The following NELL1 variants were observed in gnomAD, a reference collection of about 807,000 sequenced individuals.
NELL1 encodes the protein protein kinase C-binding protein NELL1.
Under a neutral mutation model 107.4 loss-of-function variants are expected in NELL1, and 76 were observed. The ratio of observed to expected loss-of-function variants is 0.71; its 90% CI spans 0.59 to 0.86. NELL1 has a LOEUF of 0.86. Among genes scored for constraint, NELL1 ranks in the 40% least tolerant of loss-of-function variants. The pLI is 0.00. For synonymous variants in NELL1, 353 were observed against 341.2 expected, an observed-to-expected ratio of 1.03 and a Z score of -0.38; for missense variants, 1,024 against 1,005.5, an observed-to-expected ratio of 1.02 and a Z score of -0.25.
intron 3 of NELL1, among the ~76,000 whole-genome samples, chr11:20,804,940 T>G (rs573013522): frequency 6.6e-6 from 1 of 152,330 alleles, no homozygotes; most frequent in South Asian, 2.1e-4. Flanking sequence ...AATATTTGCT[T>G]TACACATCTG....
intron 14 of NELL1, among the ~76,000 whole-genome samples, chr11:21,349,282 A>T (rs1385725005): frequency 6.6e-6 from 1 of 152,214 alleles, no homozygotes; most frequent in African/African-American, 2.4e-5. Flanking sequence ...CTGGAAAAGC[A>T]TTAACATGTA....
intron 15 of NELL1, among the ~76,000 whole-genome samples, chr11:21,406,628 G>T (rs576209969): frequency 6.6e-6 from 1 of 152,098 alleles, no homozygotes; most frequent in South Asian, 2.1e-4. Flanking sequence ...TCCTACAAAT[G>T]TATCTCCTAT....
chr11:21,533,347 A>C (rs1038837976), intron 15 of NELL1, among the ~76,000 whole-genome samples: 11 of 152,166 alleles, frequency 7.2e-5, no homozygotes, highest in Admixed American at 6.6e-4. Context: ...TGCAAAGTAC[A>C]TTTTGTTCAT....
chr11:21,070,262 C>T (rs1257980865), intron 12 of NELL1, among the ~76,000 whole-genome samples: 1 of 152,062 alleles, frequency 6.6e-6, no homozygotes, highest in African/African-American at 2.4e-5. Context: ...ATCTTGTCTC[C>T]TTGGAGGTTT....
chr11:21,434,184 T>G (rs1162619683), intron 15 of NELL1, among the ~76,000 whole-genome samples: 1 of 152,180 alleles, frequency 6.6e-6, no homozygotes, highest in Admixed American at 6.5e-5. Flanking sequence ...TACAGGAGAT[T>G]TTTTTGATTG....
At chr11:20,985,209 A>C (rs1022219680) in intron 12 of NELL1, among the ~76,000 whole-genome samples, 3 of 152,180 alleles carry the variant, frequency 2.0e-5, no homozygotes, top group Non-Finnish European at 4.4e-5. Flanking sequence ...TTACAAGAAT[A>C]TGCAAGTACA....
intron 15 of NELL1, among the ~76,000 whole-genome samples, chr11:21,507,845 A>G (rs1590989695): frequency 1.3e-5 from 2 of 150,580 alleles, no homozygotes. Flanking sequence ...CGGCGGCGTG[A>G]TCTCAGCTCA....
chr11:20,742,264 CTA>C (rs1252487007), intron 2 of NELL1, among the ~76,000 whole-genome samples: 1 of 152,128 alleles, frequency 6.6e-6, no homozygotes, highest in Non-Finnish European at 1.5e-5. Context: ...AAGTGCTGTG[CTA>C]TGTCTTACTG....
chr11:21,006,147 A>C (rs964126591), intron 12 of NELL1, among the ~76,000 whole-genome samples: 2 of 152,078 alleles, frequency 1.3e-5, no homozygotes, highest in African/African-American at 4.8e-5. Context: ...TATGATTTGA[A>C]TGTGTCCCCC....
intron 4 of NELL1, among the ~76,000 whole-genome samples, chr11:20,858,663 C>A (rs901880795): frequency 6.6e-6 from 1 of 152,178 alleles, no homozygotes; most frequent in Non-Finnish European, 1.5e-5. Flanking sequence ...AACAGAAAAC[C>A]TAATCTTATC....
intron 2 of NELL1, among the ~76,000 whole-genome samples, chr11:20,770,391 C>T (rs1856616627): frequency 6.6e-6 from 1 of 152,210 alleles, no homozygotes; most frequent in African/African-American, 2.4e-5. Flanking sequence ...CCACCACATC[C>T]ATAGCCCCTT....
chr11:20,834,942 G>A (rs1235389989), intron 3 of NELL1, among the ~76,000 whole-genome samples: 1 of 152,192 alleles, frequency 6.6e-6, no homozygotes. Flanking sequence ...AGGGCCATAT[G>A]TCAGTGGTTG....
At chr11:20,921,855 G>C (rs548477678) in intron 7 of NELL1, among the ~76,000 whole-genome samples, 1 of 146,452 alleles carries the variant, frequency 6.8e-6, no homozygotes, top group Admixed American at 6.9e-5. Flanking sequence ...GCTATGAGCT[G>C]CTTGTTTTCC....
At chr11:21,476,502 G>A (rs150654066) in intron 15 of NELL1, among the ~76,000 whole-genome samples, 3 of 152,160 alleles carry the variant, frequency 2.0e-5, no homozygotes, top group Admixed American at 6.5e-5. Context: ...GATATCATGG[G>A]CACTGACTTT....
intron 16 of NELL1, among the ~76,000 whole-genome samples, chr11:21,540,297 A>G (rs1856258938): frequency 6.6e-6 from 1 of 152,074 alleles, no homozygotes; most frequent in South Asian, 2.1e-4. Flanking sequence ...ATCTAACTGT[A>G]TGTTTGAACC....
chr11:21,343,481 TG>T (rs1241730728), intron 14 of NELL1, among the ~76,000 whole-genome samples: 2 of 152,164 alleles, frequency 1.3e-5, no homozygotes, highest in African/African-American at 2.4e-5. Flanking sequence ...CCTTCCTTAA[TG>T]TTTTTTTAAT....
intron 5 of NELL1, among the ~76,000 whole-genome samples, chr11:20,902,593 T>C (rs371275001): frequency 6.6e-5 from 10 of 152,186 alleles, no homozygotes; most frequent in African/African-American, 2.2e-4. Flanking sequence ...CATTTGGACA[T>C]AGGAGCCCAA....
At chr11:21,550,176 G>C (rs1856542467) in intron 16 of NELL1, among the ~76,000 whole-genome samples, 1 of 151,912 alleles carries the variant, frequency 6.6e-6, no homozygotes, top group Non-Finnish European at 1.5e-5. Context: ...CCATCCTAGT[G>C]ATGTGACCTT....
intron 5 of NELL1, among the ~76,000 whole-genome samples, chr11:20,902,849 A>G (rs952241753): frequency 6.6e-6 from 1 of 152,138 alleles, no homozygotes; most frequent in Non-Finnish European, 1.5e-5. Flanking sequence ...GCAGAAGGAT[A>G]AAATTACAGT....
Sources: allele counts gnomAD v4.1 joint callset (sites outside exome capture counted in the v4.1 genomes callset), GRCh38; gene constraint gnomAD v4.1.1; transcripts MANE v1.5; gene names NCBI Gene and HGNC (gene_info 2026-07-23, HGNC 2026-07-21).